Variants in TAF3 observed in about 807,000 individuals in gnomAD.
TAF3 encodes transcription initiation factor TFIID subunit 3.
Under a neutral mutation model 80.6 loss-of-function variants are expected in TAF3, and 7 were observed. That is an observed-to-expected ratio of 0.09 (90% CI 0.05 to 0.16). TAF3 has a LOEUF of 0.16. Among genes scored for constraint, TAF3 ranks in the 10% least tolerant of loss-of-function variants. The pLI is 1.00. For missense variants in TAF3, 921 were observed against 1,140.2 expected (o/e 0.81, Z 2.77); for synonymous variants, 444 against 446.1 (o/e 1.00, Z 0.06).
At chr10:7,896,711 A>G (rs1053633430) in intron 2 of TAF3, among the ~76,000 whole-genome samples, 1 of 152,214 alleles carries the variant, frequency 6.6e-6, no homozygotes, top group Non-Finnish European at 1.5e-5. Flanking sequence ...TAAGTGTGGT[A>G]GTTTTCTACT....
At chr10:7,867,314 A>T (rs369986343) in intron 2 of TAF3, among the ~76,000 whole-genome samples, 1 of 152,220 alleles carries the variant, frequency 6.6e-6, no homozygotes, top group East Asian at 1.9e-4. Context: ...TGTGATTTTT[A>T]AGTATGCATT....
At chr10:7,994,617 G>C (rs1831866752) in intron 4 of TAF3, among the ~76,000 whole-genome samples, 1 of 151,990 alleles carries the variant, frequency 6.6e-6, no homozygotes, top group East Asian at 1.9e-4. Context: ...CCAAAGTGCT[G>C]GGATTACAGA....
At chr10:7,846,965 G>A (rs192901813) in intron 2 of TAF3, among the ~76,000 whole-genome samples, 439 of 152,194 alleles carry the variant, frequency 2.9e-3, no homozygotes, top group Non-Finnish European at 4.4e-3. Context: ...AAAAAGGACT[G>A]GAAACACCTT....
chr10:7,868,876 ACT>A (rs1369800587), intron 2 of TAF3, among the ~76,000 whole-genome samples: 2 of 152,114 alleles, frequency 1.3e-5, no homozygotes, highest in Non-Finnish European at 1.5e-5. Flanking sequence ...TACTTAGAGA[ACT>A]CTAAATTTCC....
Position 8,013,748 on chromosome 10 carries a change from C to T in TAF3, c.2586C>T (p.Gly862=), listed in dbSNP as rs748948139. 2 of 1,613,868 alleles carry T rather than the reference C, an allele frequency of 1.2e-6. No individual in the cohort carries two copies. The highest frequency in any genetic ancestry group is 1.3e-5 in the African/African-American group (1 of 74,886). Residue 862 remains glycine, a synonymous_variant, in exon 6 of 7, where the codon GGC becomes GGT. Coordinates refer to ENST00000344293, the MANE Select transcript of TAF3 (RefSeq NM_031923.4). ...VSTYVIRDEW[G]NQIWICPGCN... ...AACATCAGATCCGAGATGAGTGGGG[C>T]AATCAGATCTGGATCTGCCCTGGGT...
intron 2 of TAF3, among the ~76,000 whole-genome samples, chr10:7,900,450 C>T (rs1443799568): frequency 6.6e-6 from 1 of 152,168 alleles, no homozygotes; most frequent in African/African-American, 2.4e-5. Flanking sequence ...TACATGACTG[C>T]TACTCCTCGG....
At chr10:7,865,898 A>T (rs1588530942) in intron 2 of TAF3, among the ~76,000 whole-genome samples, 1 of 152,302 alleles carries the variant, frequency 6.6e-6, no homozygotes, top group Non-Finnish European at 1.5e-5. Flanking sequence ...GCGTTGATTT[A>T]TGCAGAGAAA....
intron 2 of TAF3, among the ~76,000 whole-genome samples, chr10:7,851,797 G>A (rs573942608): frequency 1.3e-5 from 2 of 151,914 alleles, no homozygotes; most frequent in African/African-American, 4.8e-5. Context: ...TCTTCCTTTT[G>A]TTTTCAAGAC....
intron 4 of TAF3, among the ~76,000 whole-genome samples, chr10:7,987,363 C>G (rs1831788775): frequency 6.6e-6 from 1 of 152,074 alleles, no homozygotes; most frequent in Non-Finnish European, 1.5e-5. Flanking sequence ...ACATACTGTT[C>G]AGCAGCTTAT....
intron 4 of TAF3, among the ~76,000 whole-genome samples, chr10:7,981,378 C>G (rs141373321): frequency 4.6e-5 from 7 of 152,144 alleles, no homozygotes; most frequent in Non-Finnish European, 7.4e-5. Context: ...TCAGCAAGCA[C>G]CAGAGAAGGG....
intron 4 of TAF3, among the ~76,000 whole-genome samples, chr10:7,988,428 A>G (rs540316184): frequency 3.3e-5 from 5 of 151,964 alleles, no homozygotes; most frequent in South Asian, 2.1e-4. Flanking sequence ...TGTTTCTACT[A>G]AAAATACAGA....
intron 4 of TAF3, among the ~76,000 whole-genome samples, chr10:8,003,978 TA>T (rs755711227): frequency 1.5e-4 from 23 of 152,230 alleles, no homozygotes; most frequent in Non-Finnish European, 3.1e-4. Context: ...TGTTAACATA[TA>T]ATGGGTTCAT....
At chr10:7,838,877 T>C (rs1836879939) in intron 2 of TAF3, among the ~76,000 whole-genome samples, 1 of 148,796 alleles carries the variant, frequency 6.7e-6, no homozygotes, top group Admixed American at 6.8e-5. Context: ...TCCTTCTGTG[T>C]ATCTAGGGAA....
chr10:7,881,110 T>C (rs1177270053), intron 2 of TAF3, among the ~76,000 whole-genome samples: 1 of 151,786 alleles, frequency 6.6e-6, no homozygotes, highest in African/African-American at 2.4e-5. Context: ...GTGGTGCATA[T>C]CTGTAGTCCC....
At position 8,014,899 on chromosome 10, in the gene TAF3, C is replaced by A; in HGVS notation, c.*148C>A. The A allele has an allele frequency of 1.5e-6, 1 of 666,990 alleles. No individual in the cohort carries two copies. The highest frequency in any genetic ancestry group is 1.9e-5 in the South Asian group (1 of 51,596). 41.3% of individuals were successfully genotyped at this position (666,990 alleles called of 1,614,324 possible). On this transcript the variant is annotated 3_prime_UTR_variant, in exon 7 of 7. Coordinates refer to ENST00000344293, the MANE Select transcript of TAF3 (RefSeq NM_031923.4). ...GGAGGACTGAGGCTGGAACACACCG[C>A]GCACCTGGATTGTTCACTCCCGAGC...
At chr10:7,998,241 CTATATA>C (rs59519247) in intron 4 of TAF3, among the ~76,000 whole-genome samples, 4,276 of 134,386 alleles carry the variant, frequency 0.032, 101 homozygotes, top group African/African-American at 0.058. Context: ...TGAGTGAGAA[CTATATA>C]TATATATATA....
At chr10:7,822,479 A>C (rs1051902370) in intron 1 of TAF3, among the ~76,000 whole-genome samples, 2 of 136,804 alleles carry the variant, frequency 1.5e-5, no homozygotes, top group Non-Finnish European at 3.3e-5. Flanking sequence ...GAAGTAACCC[A>C]TACTTATAGA....
intron 1 of TAF3, among the ~76,000 whole-genome samples, chr10:7,821,974 GCTAGTTC>G (rs1836694740): frequency 1.3e-5 from 2 of 152,188 alleles, no homozygotes; most frequent in Non-Finnish European, 2.9e-5. Flanking sequence ...TCCCTATGCA[GCTAGTTC>G]ATTCCAAGGG....
At chr10:7,889,380 C>A (rs537031604) in intron 2 of TAF3, among the ~76,000 whole-genome samples, 1 of 152,328 alleles carries the variant, frequency 6.6e-6, no homozygotes, top group Non-Finnish European at 1.5e-5. Context: ...CACTTCACAT[C>A]TACTCATTTA....
Sources: allele counts gnomAD v4.1 joint callset (sites outside exome capture counted in the v4.1 genomes callset), GRCh38; gene constraint gnomAD v4.1.1; transcripts MANE v1.5; gene names NCBI Gene and HGNC (gene_info 2026-07-23, HGNC 2026-07-21).